The following NALF1 variants were observed in gnomAD, a reference collection of about 807,000 sequenced individuals.
NALF1 encodes the protein family with sequence similarity 155 member A.
NALF1 carries 3 observed loss-of-function variants against 48.4 expected under a neutral mutation model. The ratio of observed to expected loss-of-function variants is 0.06; its 90% CI spans 0.03 to 0.16. The LOEUF (loss-of-function observed/expected upper bound fraction) is 0.16, where lower values mean the gene tolerates loss of function less well. Ranked by LOEUF, NALF1 falls within the 10% of genes least tolerant of loss-of-function variation. The pLI is 1.00. For missense variants in NALF1, 526 were observed against 571.5 expected, an observed-to-expected ratio of 0.92 and a Z score of 0.81; for synonymous variants, 262 against 245.7, an observed-to-expected ratio of 1.07 and a Z score of -0.62.
At chr13:107,179,163 T>A (rs1879008103) in intron 2 of NALF1, among the ~76,000 whole-genome samples, 1 of 152,106 alleles carries the variant, frequency 6.6e-6, no homozygotes, top group Non-Finnish European at 1.5e-5. Context: ...ATATACTTCA[T>A]GGAGTACTAT....
At chr13:107,575,582 C>G (rs1169294317) in intron 1 of NALF1, among the ~76,000 whole-genome samples, 1 of 152,150 alleles carries the variant, frequency 6.6e-6, no homozygotes, top group Non-Finnish European at 1.5e-5. Context: ...AACTTGCCCT[C>G]GTCACCCATG....
chr13:107,359,955 T>C (rs191275007), intron 1 of NALF1, among the ~76,000 whole-genome samples: 31 of 152,252 alleles, frequency 2.0e-4, no homozygotes, highest in Admixed American at 2.6e-4. Context: ...TGTAATCATT[T>C]TTACTATGGG....
intron 1 of NALF1, among the ~76,000 whole-genome samples, chr13:107,287,132 C>T (rs1322679114): frequency 1.3e-5 from 2 of 152,158 alleles, no homozygotes; most frequent in Non-Finnish European, 2.9e-5. Context: ...CAATAATTTC[C>T]TTGCTGCAGA....
At chr13:107,825,728 T>C (rs892806838) in intron 1 of NALF1, among the ~76,000 whole-genome samples, 3 of 152,228 alleles carry the variant, frequency 2.0e-5, no homozygotes, top group Non-Finnish European at 2.9e-5. Flanking sequence ...TAAGCAGTTA[T>C]CACAAAGGCC....
At chr13:107,289,212 C>A (rs766414950) in intron 1 of NALF1, among the ~76,000 whole-genome samples, 2 of 152,174 alleles carry the variant, frequency 1.3e-5, no homozygotes, top group Non-Finnish European at 2.9e-5. Context: ...AAAATCATAA[C>A]CCCTCAGTTC....
Position 107,495,494 on chromosome 13 carries a change from C to A in NALF1, c.916-284739G>T, listed in dbSNP as rs1200210151. Among the ~76,000 whole-genome samples the A allele has an allele frequency of 2.6e-5, 4 of 152,294 alleles. No homozygotes were observed. The East Asian group carries it at 7.7e-4, about 29-fold the overall frequency. ...CAGAAAGTACACATATGAATGTTCACAAATTCCATACAGACTATACATTCT... is the reference window on the plus strand; with the variant it reads ...CAGAAAGTACACATATGAATGTTCAAAAATTCCATACAGACTATACATTCT... On this transcript the variant is annotated intron_variant, in intron 1 of 2. Transcript: ENST00000375915.
intron 2 of NALF1, among the ~76,000 whole-genome samples, chr13:107,199,576 C>G (rs1270825127): frequency 1.3e-5 from 2 of 152,122 alleles, no homozygotes; most frequent in African/African-American, 4.8e-5. Flanking sequence ...GAACACATGA[C>G]ACTGAGTTTG....
rs370503483 is a variant in NALF1, at chr13:107,594,492, C to T, written c.915+271190G>A. Among the ~76,000 whole-genome samples the T allele has an allele frequency of 5.3e-5, 8 of 151,884 alleles. No homozygotes were observed. In the East Asian group the frequency reaches 5.8e-4, roughly 11 times the overall value. Reference sequence around the variant, plus strand: ...TCCCCTGTGTCCCTGTGTGCAGGTTCGCATGCCTGTATGTATTTTTTCTGC... The same window carrying T: ...TCCCCTGTGTCCCTGTGTGCAGGTTTGCATGCCTGTATGTATTTTTTCTGC... On this transcript the variant is annotated intron_variant, in intron 1 of 2. Transcript: ENST00000375915.
chr13:107,257,432 A>G (rs781449198), intron 1 of NALF1, among the ~76,000 whole-genome samples: 2 of 152,054 alleles, frequency 1.3e-5, no homozygotes, highest in Non-Finnish European at 2.9e-5. Context: ...TGGAGAAAAT[A>G]TGAGTGTGTA....
intron 1 of NALF1, among the ~76,000 whole-genome samples, chr13:107,518,535 T>C (rs896347032): frequency 2.0e-5 from 3 of 152,158 alleles, no homozygotes; most frequent in East Asian, 3.9e-4. Flanking sequence ...TATTTATTGG[T>C]TGTGTTATGT....
intron 1 of NALF1, among the ~76,000 whole-genome samples, chr13:107,444,031 C>T (rs1323350284): frequency 6.6e-5 from 10 of 151,834 alleles, no homozygotes; most frequent in Admixed American, 6.6e-4. Context: ...CTTGCATATA[C>T]CTGAGTACTT....
At chr13:107,749,171 T>G (rs1271200962) in intron 1 of NALF1, among the ~76,000 whole-genome samples, 1 of 152,012 alleles carries the variant, frequency 6.6e-6, no homozygotes. Flanking sequence ...TGTGTCTACG[T>G]GTCTGTGTGT....
At chr13:107,833,568 T>C (rs1486047821) in intron 1 of NALF1, among the ~76,000 whole-genome samples, 1 of 152,242 alleles carries the variant, frequency 6.6e-6, no homozygotes, top group Non-Finnish European at 1.5e-5. Context: ...ATGTATTTTT[T>C]ACTCATGTTC....
chr13:107,798,341 A>C (rs1009101749), intron 1 of NALF1, among the ~76,000 whole-genome samples: 1 of 152,226 alleles, frequency 6.6e-6, no homozygotes, highest in African/African-American at 2.4e-5. Flanking sequence ...TCTAGAGGTT[A>C]ATACATTTTC....
At chr13:107,743,698 G>A (rs1237828628) in intron 1 of NALF1, among the ~76,000 whole-genome samples, 1 of 152,194 alleles carries the variant, frequency 6.6e-6, no homozygotes, top group East Asian at 1.9e-4. Context: ...AGAGTAAACA[G>A]TATAGCAGAT....
intron 1 of NALF1, among the ~76,000 whole-genome samples, chr13:107,792,388 C>T (rs1055086005): frequency 3.9e-5 from 6 of 152,192 alleles, no homozygotes; most frequent in South Asian, 4.1e-4. Flanking sequence ...GAAAGTGTCG[C>T]GGTGTCACTC....
chr13:107,193,079 T>C (rs1008634429), intron 2 of NALF1, among the ~76,000 whole-genome samples: 9 of 152,184 alleles, frequency 5.9e-5, no homozygotes, highest in Non-Finnish European at 1.0e-4. Flanking sequence ...TGTGAAAGCA[T>C]ATTTAATGGT....
rs138658418 is a variant in NALF1 at position 107,766,548 on chromosome 13, T to C, written c.915+99134A>G. 2.0e-5 allele frequency among the ~76,000 whole-genome samples: 3 copies of C among 152,310 alleles called. 1 individual carries two copies. On this transcript the variant is annotated intron_variant, in intron 1 of 2. Transcript: ENST00000375915. ...TCTGTAGTGAATTTATTGTCTCAAA[T>C]ATCTGCTGCGTTAATGATCAATACA...
chr13:107,611,326 C>T (rs191569450), intron 1 of NALF1, among the ~76,000 whole-genome samples: 79 of 152,274 alleles, frequency 5.2e-4, no homozygotes, highest in African/African-American at 1.8e-3. Context: ...ATCATATGAT[C>T]CAGCAATCAC....
Sources: gnomAD v4.1 joint callset for allele counts (sites outside exome capture counted in the v4.1 genomes callset) on GRCh38, gnomAD v4.1.1 for gene constraint, MANE v1.5 for transcripts, NCBI Gene and HGNC (gene_info 2026-07-23, HGNC 2026-07-21) for gene names.